The following SP110 variants were observed in gnomAD, a reference collection of about 807,000 sequenced individuals.
SP110 encodes the protein interferon-induced protein 41, 30kD.
SP110 carries 62 observed loss-of-function variants against 92.7 expected under a neutral mutation model. The observed-to-expected ratio is 0.67, with a 90% CI of 0.55 to 0.83. The LOEUF is 0.83. Among genes scored for constraint, SP110 ranks in the 40% least tolerant of loss-of-function variants. The probability of loss-of-function intolerance (pLI) is 0.00; values close to 1 mark genes in which losing one functional copy is unlikely to be tolerated. For synonymous variants in SP110, 273 were observed against 305.3 expected, an observed-to-expected ratio of 0.89 and a Z score of 1.10; for missense variants, 793 against 863.9, an observed-to-expected ratio of 0.92 and a Z score of 1.03.
At chr2:230,176,395 T>A (rs1185580291) in intron 14 of SP110, 14 of 1,245,840 alleles carry the variant, frequency 1.1e-5, no homozygotes, top group Non-Finnish European at 1.5e-5. Context: ...TGCCTAGGCT[T>A]AGAGCATTTT....
chr2:230,171,881 C>T, intron 16 of SP110, 114 bp from the exon 17 acceptor site: 1 of 912,716 alleles, frequency 1.1e-6, no homozygotes, highest in Non-Finnish European at 1.8e-6. Context: ...GCATTCCAGC[C>T]ATGCTTCCCA....
chr2:230,176,577 G>A lies in SP110; in HGVS notation c.1590+961C>T, dbSNP rs1213265308. 3.1e-6 allele frequency: 5 copies of A among 1,610,840 alleles called. No individual in the cohort carries two copies. The African/African-American group carries it at 6.7e-5, about 22-fold the overall frequency. On this transcript the variant is annotated intron_variant, in intron 14 of 18. Coordinates refer to ENST00000258381, the MANE Select transcript of SP110 (RefSeq NM_080424.4). The stretch of plus-strand genomic sequence containing the variant: ...AGATGCCATGCCCAAATGTGGAGGT[G>A]ACTCAGAGCTTGGAAACTCAGAAGC...
At chr2:230,172,613 G>C in intron 15 of SP110, 1 of 563,500 alleles carries the variant, frequency 1.8e-6, no homozygotes, top group Non-Finnish European at 3.2e-6. Flanking sequence ...CCTCCTTTTG[G>C]ACAGGAGTCC....
chr2:230,223,388 T>A (rs2045981669), upstream of SP110, among the ~76,000 whole-genome samples: 1 of 152,162 alleles, frequency 6.6e-6, no homozygotes, highest in Non-Finnish European at 1.5e-5. Flanking sequence ...TCAACTATAT[T>A]ATGACAAAGG....
intron 18 of SP110, 101 bp downstream of exon 18, chr2:230,170,520 C>T: frequency 7.2e-7 from 1 of 1,394,180 alleles, no homozygotes; most frequent in South Asian, 1.2e-5. Flanking sequence ...TTTGAGCTCT[C>T]CCCAGGCTGA....
intron 15 of SP110, 75 bp downstream of exon 15, chr2:230,172,769 C>T (rs1236730214): frequency 7.4e-5 from 74 of 1,006,290 alleles, no homozygotes; most frequent in Admixed American, 2.3e-4. Context: ...CCCTCGTCCC[C>T]GACGCTCACA....
chr2:230,175,534 A>G lies in SP110; in HGVS notation c.1590+2004T>C, dbSNP rs139546408. On this transcript the variant is annotated intron_variant, in intron 14 of 18. Coordinates refer to ENST00000258381, the MANE Select transcript of SP110 (RefSeq NM_080424.4). ...GACCAGCATGGGAAAGATGATTTATATAATAGATGGCATTGGGAGACCAGT... is the reference window on the plus strand; with the variant it reads ...GACCAGCATGGGAAAGATGATTTATGTAATAGATGGCATTGGGAGACCAGT... Among the ~76,000 whole-genome samples the G allele has an allele frequency of 8.2e-3, 1,242 of 152,340 alleles. 13 individuals carry two copies. The highest frequency in any genetic ancestry group is 0.028 in the African/African-American group (1,144 of 41,566).
At chr2:230,219,339 G>A (rs1244780501) in intron 1 of SP110, among the ~76,000 whole-genome samples, 1 of 152,228 alleles carries the variant, frequency 6.6e-6, no homozygotes. Flanking sequence ...CAGACACTGT[G>A]AGTGGGAAGG....
In SP110 at chr2:230,171,496, G is replaced by T. The variant is rs78698201; in HGVS notation, c.1887+200C>A. ...CAACTTGCCCGGTATCCCAGAGCCC[G>T]TGAGCAGTGGGGTGGAGTTTGAACC... On this transcript the variant is annotated intron_variant, in intron 17 of 18. Coordinates refer to ENST00000258381, the MANE Select transcript of SP110 (RefSeq NM_080424.4). 3 of 616,036 alleles carry T rather than the reference G, an allele frequency of 4.9e-6. No individual in the cohort carries two copies. The African/African-American group carries it at 5.5e-5, about 11-fold the overall frequency. The allele number at this position is 616,036 out of a possible 1,614,324, so 38.2% of individuals were successfully genotyped here.
intron 1 of SP110, among the ~76,000 whole-genome samples, chr2:230,217,262 A>AAT (rs1254926530): frequency 6.6e-6 from 1 of 151,712 alleles, no homozygotes; most frequent in Non-Finnish European, 1.5e-5. Context: ...AAAAAAAAAA[A>AAT]AAATAGAAGC....
chr2:230,186,208 T>C, intron 10 of SP110, 65 bp from the exon 11 acceptor site: 1 of 1,504,426 alleles, frequency 6.6e-7, no homozygotes, highest in Non-Finnish European at 9.2e-7. Context: ...CCCCTACCCT[T>C]TCAGGAGTTA....
At chr2:230,216,552 A>T (rs148413863) in intron 2 of SP110, among the ~76,000 whole-genome samples, 105 of 152,302 alleles carry the variant, frequency 6.9e-4, no homozygotes, top group African/African-American at 2.5e-3. Flanking sequence ...TGTTGTTTTA[A>T]GCTACCTGGT....
chr2:230,192,567 C>T (rs535127108), intron 10 of SP110, among the ~76,000 whole-genome samples: 6 of 152,240 alleles, frequency 3.9e-5, no homozygotes, highest in African/African-American at 1.4e-4. Flanking sequence ...CCTAGGAATA[C>T]AGCTAACAGA....
In SP110 at chr2:230,211,519, A is replaced by T. The variant is rs750630805; in HGVS notation, c.702T>A (p.Asp234Glu). 4 of 1,612,260 alleles carry T rather than the reference A, an allele frequency of 2.5e-6. No individual in the cohort carries two copies. Among genetic ancestry groups the T allele is most frequent in the Non-Finnish European group, 2.5e-6 (3 of 1,178,288 alleles). ...ASDNLIPQIR[D>E]KEDPQEMPHS... ...GGGGCATCTCTTGAGGGTCTTCTTTATCTCTTATTTGGGGGATCAGGTTGT... is the reference window on the plus strand; with the variant it reads ...GGGGCATCTCTTGAGGGTCTTCTTTTTCTCTTATTTGGGGGATCAGGTTGT... Residue 234 changes from aspartate (D) to glutamate (E), a missense_variant, in exon 6 of 19, where the codon GAT becomes GAA. Asp to Glu is a conservative substitution (Grantham distance 45). Transcript: ENST00000258381. This position sits in a 1 kb window ranked among gnomAD's most constrained non-coding sequence, Gnocchi z 4.2.
chr2:230,190,703 G>A (rs1386329244), intron 10 of SP110, among the ~76,000 whole-genome samples: 1 of 152,138 alleles, frequency 6.6e-6, no homozygotes, highest in Non-Finnish European at 1.5e-5. Context: ...TTACATTTAA[G>A]TCTTTAATCC....
intron 3 of SP110, chr2:230,214,203 CA>C (rs2044833471): frequency 6.6e-6 from 1 of 152,262 alleles, no homozygotes; most frequent in East Asian, 1.9e-4. Flanking sequence ...TTTATTTATC[CA>C]GTCTCTTTTC....
intron 10 of SP110, among the ~76,000 whole-genome samples, chr2:230,186,445 C>T (rs950112418): frequency 5.3e-5 from 8 of 152,222 alleles, no homozygotes; most frequent in Non-Finnish European, 1.0e-4. Context: ...TTACACTCCA[C>T]TGCTGAATGA....
At chr2:230,198,489 G>A (rs1056474044) in intron 10 of SP110, among the ~76,000 whole-genome samples, 1 of 152,134 alleles carries the variant, frequency 6.6e-6, no homozygotes, top group African/African-American at 2.4e-5. Context: ...TAGTAATAAA[G>A]CCCCTGATTC....
rs763892569 is a variant in SP110 at position 230,202,728 on chromosome 2, C to T, written c.899G>A (p.Gly300Glu). 2 of 1,614,012 alleles carry T rather than the reference C, an allele frequency of 1.2e-6. No homozygotes were observed. Among genetic ancestry groups the T allele is most frequent in the East Asian group, 4.5e-5 (2 of 44,880 alleles). The change falls in exon 9 of 19, where the codon GGG (glycine) becomes GAG (glutamate). Residue 300 changes from glycine (G) to glutamate (E), a missense_variant and splice_region_variant. Coordinates refer to ENST00000258381, the MANE Select transcript of SP110 (RefSeq NM_080424.4). Reference protein sequence around the residue: ...RRHKKKSLPGGTASSRHGIQK... With the variant: ...RRHKKKSLPGETASSRHGIQK... ...GATTCCGTGTCTAGATGAGGCTGTC[C>T]CTGGACCAAATAATGACTTGTTAAT...
Sources: gnomAD v4.1 joint callset for allele counts (sites outside exome capture counted in the v4.1 genomes callset) on GRCh38, gnomAD v4.1.1 for gene constraint, Gnocchi (gnomAD v3.1) non-coding constraint, MANE v1.5 for transcripts, NCBI Gene and HGNC (gene_info 2026-07-23, HGNC 2026-07-21) for gene names.